Variants in GNPDA1 observed in about 807,000 individuals in gnomAD.
The protein encoded by GNPDA1 is glucosamine-6-phosphate deaminase 1.
Under a neutral mutation model 28.5 loss-of-function variants are expected in GNPDA1, and 24 were observed. The observed-to-expected ratio is 0.84, with a 90% CI of 0.61 to 1.19. GNPDA1 has a LOEUF of 1.19. Ranked by LOEUF, GNPDA1 falls within the 50% of genes most tolerant of loss-of-function variation. The pLI is 0.00. For missense variants in GNPDA1, 264 were observed against 367.3 expected (o/e 0.72, Z 2.30); for synonymous variants, 147 against 139.3 (o/e 1.06, Z -0.39).
chr5:142,011,855 CCT>C (rs748725883), intron 2 of GNPDA1, 55 bp downstream of exon 2: 63 of 1,598,502 alleles, frequency 3.9e-5, no homozygotes, highest in Non-Finnish European at 5.0e-5. Context: ...GTACCTGGCC[CCT>C]GTTGCCTACT....
At chr5:142,008,758 A>C (rs966167732) in intron 2 of GNPDA1, among the ~76,000 whole-genome samples, 1 of 152,160 alleles carries the variant, frequency 6.6e-6, no homozygotes, top group African/African-American at 2.4e-5. Context: ...TCATAAAAAC[A>C]CACACACAAT....
intron 2 of GNPDA1, among the ~76,000 whole-genome samples, chr5:142,009,222 C>A (rs1596738917): frequency 6.6e-6 from 1 of 151,888 alleles, no homozygotes; most frequent in Admixed American, 6.6e-5. Context: ...AGAAAAAAAA[C>A]CCATCGAGAT....
rs1755678228 is a variant in GNPDA1, at chr5:142,001,559, A to G, written c.*470T>C. 6.6e-6 allele frequency: 1 copy of G among 152,666 alleles called. No homozygotes were observed. Among genetic ancestry groups the G allele is most frequent in the Admixed American group, 6.5e-5 (1 of 15,278 alleles). 9.5% of individuals were successfully genotyped at this position (152,666 alleles called of 1,614,324 possible). On this transcript the variant is annotated 3_prime_UTR_variant, in exon 7 of 7. Transcript: ENST00000311337. ...CCTTGCACTTATTTTAGATATTGAG[A>G]GTTTGTGCCTTCACTTGGAACAATG...
At chr5:142,009,756 T>C (rs542284720) in intron 2 of GNPDA1, among the ~76,000 whole-genome samples, 34 of 152,294 alleles carry the variant, frequency 2.2e-4, no homozygotes, top group African/African-American at 7.9e-4. Context: ...TAAACTCCTT[T>C]TCTGCTTAAT....
intron 2 of GNPDA1, 154 bp downstream of exon 2, chr5:142,011,758 C>A: frequency 1.4e-6 from 1 of 722,042 alleles, no homozygotes; most frequent in Admixed American, 2.4e-5. Context: ...GAAGCTGGGT[C>A]CTTTGTATGT....
At chr5:142,005,808 G>A (rs1271126349) in intron 4 of GNPDA1, among the ~76,000 whole-genome samples, 1 of 152,180 alleles carries the variant, frequency 6.6e-6, no homozygotes, top group African/African-American at 2.4e-5. Context: ...TACAGGGGCT[G>A]TGTGGAGCCT....
Position 142,007,898 on chromosome 5 carries a change from T to G in GNPDA1, c.127A>C (p.Ser43Arg), listed in dbSNP as rs779742093. 3.8e-6 allele frequency: 6 copies of G among 1,595,366 alleles called. No individual in the cohort carries two copies. In the East Asian group the frequency reaches 1.3e-4, roughly 36 times the overall value. ...TTCTTGTAGCAGCCAAGTGGGGTAC[T>G]CCCTGCAAGAGTGGCCACACCCATG... ...KYFTLGLPTG[S>R]TPLGCYKKLI... Residue 43 changes from serine (S) to arginine (R), a missense_variant and splice_region_variant, in exon 3 of 7, where the codon AGT becomes CGT. By Grantham distance (110) the Ser-to-Arg change is moderately radical (BLOSUM62 -1). Coordinates refer to ENST00000311337, the MANE Select transcript of GNPDA1 (RefSeq NM_005471.5).
chr5:142,011,647 A>G lies in GNPDA1; in HGVS notation c.124+265T>C, dbSNP rs573912889. On this transcript the variant is annotated intron_variant, in intron 2 of 6. Transcript: ENST00000311337. The stretch of plus-strand genomic sequence containing the variant: ...TAAGAAACCCTGGTGGACAGGGCTG[A>G]CTTAGGATGTAGCCTAAAAATCAAA... Among the ~76,000 whole-genome samples, 133 of 152,316 alleles carry G rather than the reference A, an allele frequency of 8.7e-4. 1 individual carries two copies. The highest frequency in any genetic ancestry group is 1.5e-3 in the Non-Finnish European group (104 of 68,010).
At chr5:142,011,804 C>G in intron 2 of GNPDA1, 108 bp downstream of exon 2, 4 of 1,285,126 alleles carry the variant, frequency 3.1e-6, no homozygotes, top group Non-Finnish European at 4.5e-6. Flanking sequence ...AGCACCAGTA[C>G]CCCAGAGCCC....
Position 142,003,032 on chromosome 5 carries a change from T to C in GNPDA1, c.769+56A>G. On this transcript the variant is annotated intron_variant, in intron 6 of 6. Transcript: ENST00000311337. The surrounding 1 kb of genome is among the most constrained non-coding windows in gnomAD (Gnocchi z 4.0). The stretch of plus-strand genomic sequence containing the variant: ...GAGGATGAAAGCTGGATCTACTCCT[T>C]ACTCCTAGCACACCCTAAGCTTGAC... 6.9e-7 allele frequency: 1 copy of C among 1,448,750 alleles called. No individual in the cohort carries two copies. Among genetic ancestry groups the C allele is most frequent in the Non-Finnish European group, 9.5e-7 (1 of 1,054,550 alleles). The allele number at this position is 1,448,750 out of a possible 1,614,324, so 89.7% of individuals were successfully genotyped here.
In GNPDA1 at chr5:142,006,404, G is replaced by A. The variant is rs920212481; in HGVS notation, c.227-78C>T. On this transcript the variant is annotated intron_variant, in intron 3 of 6. Coordinates refer to ENST00000311337, the MANE Select transcript of GNPDA1 (RefSeq NM_005471.5). ...CCTAAGAAGGATGCCAGGACACCAT[G>A]CTGACCTACAGAGACACTCCCAGGG... 7.2e-5 allele frequency: 79 copies of A among 1,102,378 alleles called. 1 individual carries two copies. In the East Asian group the frequency reaches 1.8e-3, roughly 25 times the overall value. 68.3% of individuals were successfully genotyped at this position (1,102,378 alleles called of 1,614,324 possible).
chr5:142,003,075 ACACCTCCCT>A lies in GNPDA1; in HGVS notation c.769+4_769+12del. 1 of 1,607,126 alleles carries A rather than the reference ACACCTCCCT, an allele frequency of 6.2e-7. No homozygotes were observed. Among genetic ancestry groups the A allele is most frequent in the Non-Finnish European group, 8.5e-7 (1 of 1,175,966 alleles). ...AGCTTGACCACCTCCTCCTGGACCCACACCTCCCTCACCTTTGAAATACTTGACAGTCTT... is the reference window on the plus strand; with the variant it reads ...AGCTTGACCACCTCCTCCTGGACCCACACCTTTGAAATACTTGACAGTCTT... On this transcript the variant is annotated splice_donor_5th_base_variant and intron_variant, in intron 6 of 6. Coordinates refer to ENST00000311337, the MANE Select transcript of GNPDA1 (RefSeq NM_005471.5). The surrounding 1 kb of genome is among the most constrained non-coding windows in gnomAD (Gnocchi z 4.0).
At position 142,003,103 on chromosome 5, in the gene GNPDA1, C is replaced by T. The variant is rs1406205830; in HGVS notation, c.754G>A (p.Val252Ile). Residue 252 changes from valine to isoleucine, a missense_variant, in exon 6 of 7, where the codon GTC becomes ATC. By Grantham distance (29) the Val-to-Ile change is conservative. Coordinates refer to ENST00000311337, the MANE Select transcript of GNPDA1 (RefSeq NM_005471.5). The surrounding 1 kb of genome is among the most constrained non-coding windows in gnomAD (Gnocchi z 4.0). ...DATLELKVKT[V>I]KYFKGLMLVH... ...CCTCCCTCACCTTTGAAATACTTGA[C>T]AGTCTTCACTTTCAGCTCCAAGGTG... 3 of 1,613,136 alleles carry T rather than the reference C, an allele frequency of 1.9e-6. No individual in the cohort carries two copies. The highest frequency in any genetic ancestry group is 2.5e-6 in the Non-Finnish European group (3 of 1,179,412).
At position 142,006,147 on chromosome 5, in the gene GNPDA1, C is replaced by CA; in HGVS notation, c.405dup (p.Gly136TrpfsTer6). 1 of 1,611,736 alleles carries CA rather than the reference C, an allele frequency of 6.2e-7. No individual in the cohort carries two copies. Among genetic ancestry groups the CA allele is most frequent in the Non-Finnish European group, 8.5e-7 (1 of 1,178,380 alleles). On this transcript the variant is annotated frameshift_variant, in exon 4 of 7. Transcript: ENST00000311337. LOFTEE classifies it high-confidence loss of function. Reference sequence around the variant, plus strand: ...TGCTGCAGAGTGTCAAGCTCACCTCCAACAAATAGCTCGATCCCACCTGCA... The same window carrying CA: ...TGCTGCAGAGTGTCAAGCTCACCTCCAAACAAATAGCTCGATCCCACCTGCA...
At chr5:142,012,829 AG>A in intron 1 of GNPDA1, 165 bp downstream of exon 1, 3 of 177,592 alleles carry the variant, frequency 1.7e-5, no homozygotes, top group Non-Finnish European at 3.3e-5. Context: ...GGTGGGGTAC[AG>A]CGTGTCCCCC....
chr5:142,008,053 A>C (rs1755852186), intron 2 of GNPDA1, among the ~76,000 whole-genome samples, 153 bp from the exon 3 acceptor site: 1 of 152,172 alleles, frequency 6.6e-6, no homozygotes. Context: ...TCCATCCATT[A>C]ATTGCTTGTT....
chr5:142,004,442 T>C (rs1029901866), intron 5 of GNPDA1, among the ~76,000 whole-genome samples: 2 of 152,218 alleles, frequency 1.3e-5, no homozygotes, highest in African/African-American at 4.8e-5. Flanking sequence ...GCCAATTTTT[T>C]AGGGGAAAAG....
Position 142,011,997 on chromosome 5 carries a change from G to C in GNPDA1, c.39C>G (p.Ser13Arg). Residue 13 changes from serine to arginine, a missense_variant, in exon 2 of 7, where the codon AGC becomes AGG. By Grantham distance (110) the Ser-to-Arg change is moderately radical. Transcript: ENST00000311337. ...TCCTGATGTATTTAGCCGCCCACTC[G>C]CTCGCCTGAGAATAGTGCTCCAGGA... ...LIILEHYSQA[S>R]EWAAKYIRNR... 1.2e-6 allele frequency: 2 copies of C among 1,611,926 alleles called. No homozygotes were observed. The highest frequency in any genetic ancestry group is 1.7e-6 in the Non-Finnish European group (2 of 1,178,222).
chr5:142,011,818 T>C, intron 2 of GNPDA1, 94 bp downstream of exon 2: 1 of 1,433,230 alleles, frequency 7.0e-7, no homozygotes, highest in Non-Finnish European at 9.8e-7. Context: ...AGAGCCCCCG[T>C]GAAGTCCCTT....
Sources: gnomAD v4.1 joint callset for allele counts (sites outside exome capture counted in the v4.1 genomes callset) on GRCh38, gnomAD v4.1.1 for gene constraint, Gnocchi (gnomAD v3.1) non-coding constraint, MANE v1.5 for transcripts, NCBI Gene and HGNC (gene_info 2026-07-23, HGNC 2026-07-21) for gene names.